The following SLC15A5 variants were observed in gnomAD, a reference collection of about 807,000 sequenced individuals.
The protein encoded by SLC15A5 is Peptide/histidine transporter ENSP00000340402.
In SLC15A5, 58 loss-of-function variants were observed where a neutral mutation model predicts 56.1. The observed-to-expected ratio is 1.03, with a 90% CI of 0.84 to 1.29. SLC15A5 has a LOEUF of 1.29. Ranked by LOEUF, SLC15A5 falls within the 50% of genes most tolerant of loss-of-function variation. SLC15A5 has a pLI of 0.00. For missense variants in SLC15A5, 681 were observed against 672.1 expected, an observed-to-expected ratio of 1.01 and a Z score of -0.15; for synonymous variants, 264 against 250.5, an observed-to-expected ratio of 1.05 and a Z score of -0.51.
chr12:16,257,002 G>T (rs1157617416), intron 3 of SLC15A5, among the ~76,000 whole-genome samples: 1 of 151,856 alleles, frequency 6.6e-6, no homozygotes, highest in Non-Finnish European at 1.5e-5. Flanking sequence ...TTTTGGATTT[G>T]ATTTGAACAA....
At chr12:16,193,675 G>A (rs7297251) in intron 8 of SLC15A5, among the ~76,000 whole-genome samples, 5 of 151,204 alleles carry the variant, frequency 3.3e-5, no homozygotes, top group Middle Eastern at 3.2e-3. Flanking sequence ...ATTCGTCCCC[G>A]TAAAACCCAC....
intron 2 of SLC15A5, among the ~76,000 whole-genome samples, chr12:16,259,897 C>CGGA (rs1555173548): frequency 1.4e-5 from 2 of 141,092 alleles, no homozygotes; most frequent in Admixed American, 7.1e-5. Flanking sequence ...TGACACCACC[C>CGGA]GGGCGGGGGG....
At chr12:16,233,947 T>G (rs1864323274) in intron 5 of SLC15A5, among the ~76,000 whole-genome samples, 1 of 152,212 alleles carries the variant, frequency 6.6e-6, no homozygotes, top group Non-Finnish European at 1.5e-5. Flanking sequence ...TCCAGAAAAT[T>G]TCAAGCAAAG....
At position 16,271,976 on chromosome 12, in the gene SLC15A5, CAA is replaced by C. The variant is rs1864763920; in HGVS notation, c.584+583_584+584del. On this transcript the variant is annotated intron_variant, in intron 2 of 8. Coordinates refer to ENST00000344941, the MANE Select transcript of SLC15A5 (RefSeq NM_001170798.1). This position sits in a 1 kb window ranked among gnomAD's most constrained non-coding sequence, Gnocchi z 8.0. Reference sequence around the variant, plus strand: ...ACAGAGATGCTGGGTGATGCTTTAACAAATTGCAAAATACTTCTTTCATCTTT... The same window carrying C: ...ACAGAGATGCTGGGTGATGCTTTAACATTGCAAAATACTTCTTTCATCTTT... Among the ~76,000 whole-genome samples the C allele has an allele frequency of 6.6e-6, 1 of 152,146 alleles. No homozygotes were observed. The highest frequency in any genetic ancestry group is 1.5e-5 in the Non-Finnish European group (1 of 68,028).
At chr12:16,275,053 T>C (rs1017824981) in intron 1 of SLC15A5, among the ~76,000 whole-genome samples, 4 of 152,032 alleles carry the variant, frequency 2.6e-5, no homozygotes. Context: ...GGGGGTCCGC[T>C]GAAGGAAATG....
chr12:16,230,366 A>G (rs1401024226), intron 5 of SLC15A5, among the ~76,000 whole-genome samples: 1 of 152,142 alleles, frequency 6.6e-6, no homozygotes, highest in Non-Finnish European at 1.5e-5. Flanking sequence ...GTCTACAGTA[A>G]AATTAGAGCT....
intron 3 of SLC15A5, among the ~76,000 whole-genome samples, chr12:16,253,252 A>G (rs561179346): frequency 7.9e-4 from 121 of 152,280 alleles, no homozygotes; most frequent in Middle Eastern, 6.8e-3. Flanking sequence ...AATAAAACAC[A>G]GGCAACAAAA....
Position 16,256,589 on chromosome 12 carries a change from G to A in SLC15A5, c.754+1112C>T, listed in dbSNP as rs192884455. On this transcript the variant is annotated intron_variant, in intron 3 of 8. Coordinates refer to ENST00000344941, the MANE Select transcript of SLC15A5 (RefSeq NM_001170798.1). ...AATAATAAATTAGGGGCCGGGCGTG[G>A]TGGCTCACGCCTGTAATCCCAGCAC... is the stretch of plus-strand genomic sequence containing the variant. 7.4e-3 allele frequency among the ~76,000 whole-genome samples: 1,125 copies of A among 152,300 alleles called. 13 individuals carry two copies. Among genetic ancestry groups the A allele is most frequent in the African/African-American group, 0.026 (1,073 of 41,564 alleles).
intron 7 of SLC15A5, among the ~76,000 whole-genome samples, chr12:16,214,406 CATAG>C (rs1864110898): frequency 6.6e-6 from 1 of 152,172 alleles, no homozygotes; most frequent in Non-Finnish European, 1.5e-5. Context: ...GGAGAGGGCC[CATAG>C]ATAATTTATG....
Position 16,240,996 on chromosome 12 carries a change from G to T in SLC15A5, c.976-1129C>A, listed in dbSNP as rs10846313. Among the ~76,000 whole-genome samples the T allele has an allele frequency of 5.9e-4, 90 of 151,658 alleles. 2 individuals are homozygous for T. The highest frequency in any genetic ancestry group is 7.4e-4 in the Non-Finnish European group (50 of 67,930). Reference sequence around the variant, plus strand: ...CCTGGCTAATTTTTCTGTATTTTTAGTAGAGATGAGGTTTCACCGTGTTAG... The same window carrying T: ...CCTGGCTAATTTTTCTGTATTTTTATTAGAGATGAGGTTTCACCGTGTTAG... On this transcript the variant is annotated intron_variant, in intron 4 of 8. Coordinates refer to ENST00000344941, the MANE Select transcript of SLC15A5 (RefSeq NM_001170798.1).
chr12:16,204,532 A>G (rs1479884592), intron 7 of SLC15A5, among the ~76,000 whole-genome samples: 1 of 151,942 alleles, frequency 6.6e-6, no homozygotes, highest in Non-Finnish European at 1.5e-5. Flanking sequence ...AAAGATAACC[A>G]AAAAGATAAG....
intron 6 of SLC15A5, 104 bp from the exon 7 acceptor site, chr12:16,217,128 T>C: frequency 7.9e-7 from 1 of 1,266,132 alleles, no homozygotes; most frequent in Non-Finnish European, 1.0e-6. Flanking sequence ...AATTTACTGA[T>C]ACAATAAAAA....
chr12:16,245,941 G>C (rs1359158850), intron 3 of SLC15A5, among the ~76,000 whole-genome samples: 3 of 152,100 alleles, frequency 2.0e-5, no homozygotes, highest in Non-Finnish European at 2.9e-5. Context: ...AGATTGATTT[G>C]ATCTGGTCTT....
intron 5 of SLC15A5, among the ~76,000 whole-genome samples, chr12:16,229,471 T>C (rs1864273492): frequency 6.6e-6 from 1 of 152,162 alleles, no homozygotes; most frequent in Non-Finnish European, 1.5e-5. Flanking sequence ...TAACATCCAT[T>C]TTTTTCACTA....
intron 5 of SLC15A5, among the ~76,000 whole-genome samples, chr12:16,229,680 A>ACACACACACACC (rs1412830975): frequency 1.3e-5 from 2 of 150,390 alleles, no homozygotes; most frequent in African/African-American, 4.9e-5. Flanking sequence ...ACACACACAC[A>ACACACACACACC]CACAATCTTA....
chr12:16,217,096 A>T (rs1864137159), intron 6 of SLC15A5, 72 bp from the exon 7 acceptor site: 3 of 1,413,464 alleles, frequency 2.1e-6, no homozygotes, highest in Non-Finnish European at 2.8e-6. Context: ...GTTCAAATTG[A>T]TGTTGATCAT....
rs3942536 is a variant in SLC15A5 at position 16,194,374 on chromosome 12, G to A, written c.1563C>T (p.Asn521=). 763,506 of 1,531,310 alleles carry A rather than the reference G, an allele frequency of 0.5. 194,650 individuals are homozygous for A. The highest frequency in any genetic ancestry group is 0.71 in the East Asian group (28,981 of 40,786). 94.9% of individuals were successfully genotyped at this position (1,531,310 alleles called of 1,614,324 possible). ...FFFLASLTLL[N]VLGFCSVSQR... ...GTGAAACACTGCAGAATCCCAGGACGTTCAACAATGTTAATGATGCCAGGA... is the reference window on the plus strand; with the variant it reads ...GTGAAACACTGCAGAATCCCAGGACATTCAACAATGTTAATGATGCCAGGA... The change falls in exon 8 of 9, where the codon AAC becomes AAT. Residue 521 remains asparagine (N), a synonymous_variant. Coordinates refer to ENST00000344941, the MANE Select transcript of SLC15A5 (RefSeq NM_001170798.1).
rs112151076 is a variant in SLC15A5 at position 16,192,313 on chromosome 12, A to G, written c.1592+2032T>C. Reference sequence around the variant, plus strand: ...TTCCCTCCCTAAGAAAGTATGCAGGAGAAGAGAAAGTAGATAGGAGATGGA... The same window carrying G: ...TTCCCTCCCTAAGAAAGTATGCAGGGGAAGAGAAAGTAGATAGGAGATGGA... On this transcript the variant is annotated intron_variant, in intron 8 of 8. Coordinates refer to ENST00000344941, the MANE Select transcript of SLC15A5 (RefSeq NM_001170798.1). Among the ~76,000 whole-genome samples the G allele has an allele frequency of 2.9e-3, 437 of 152,212 alleles. 2 individuals carry two copies. The highest frequency in any genetic ancestry group is 9.5e-3 in the African/African-American group (395 of 41,556).
At chr12:16,236,199 A>G (rs1220270242) in intron 5 of SLC15A5, among the ~76,000 whole-genome samples, 1 of 152,158 alleles carries the variant, frequency 6.6e-6, no homozygotes, top group Non-Finnish European at 1.5e-5. Context: ...AATTAATGCT[A>G]AGGAAAGGAA....
Sources: allele counts gnomAD v4.1 joint callset (sites outside exome capture counted in the v4.1 genomes callset), GRCh38; gene constraint gnomAD v4.1.1; non-coding constraint Gnocchi (gnomAD v3.1); transcripts MANE v1.5; gene names NCBI Gene and HGNC (gene_info 2026-07-23, HGNC 2026-07-21).